The following LRP1B variants were observed in gnomAD, a reference collection of about 807,000 sequenced individuals.
The protein encoded by LRP1B is LDL receptor related protein 1B.
Under a neutral mutation model 556.6 loss-of-function variants are expected in LRP1B, and 217 were observed. That is an observed-to-expected ratio of 0.39 (90% CI 0.35 to 0.44). The LOEUF (loss-of-function observed/expected upper bound fraction) is 0.44, where lower values mean the gene tolerates loss of function less well. Among genes scored for constraint, LRP1B ranks in the 20% least tolerant of loss-of-function variants. LRP1B has a pLI of 1.00. For missense variants in LRP1B, 5,053 were observed against 5,620.8 expected (o/e 0.90, Z 3.23); for synonymous variants, 2,047 against 1,865.8 (o/e 1.10, Z -2.50).
At chr2:141,017,874 G>A (rs1433683496) in intron 12 of LRP1B, among the ~76,000 whole-genome samples, 2 of 151,722 alleles carry the variant, frequency 1.3e-5, no homozygotes, top group Admixed American at 6.6e-5. Context: ...GCCTGTGCCT[G>A]TAATTCCAGC....
intron 84 of LRP1B, among the ~76,000 whole-genome samples, chr2:140,294,524 A>G (rs1683523407): frequency 6.6e-6 from 1 of 152,228 alleles, no homozygotes; most frequent in Admixed American, 6.5e-5. Flanking sequence ...AGGTTGATTC[A>G]AACTGAGAAT....
At chr2:140,807,751 AACTAGTT>A (rs1393908881) in intron 32 of LRP1B, among the ~76,000 whole-genome samples, 2 of 152,212 alleles carry the variant, frequency 1.3e-5, no homozygotes, top group East Asian at 3.8e-4. Context: ...ATTTTAGAGC[AACTAGTT>A]ATTACTGTAT....
At chr2:140,525,182 T>C (rs1240696668) in intron 49 of LRP1B, among the ~76,000 whole-genome samples, 1 of 151,756 alleles carries the variant, frequency 6.6e-6, no homozygotes, top group Admixed American at 6.6e-5. Context: ...TGAGACAAAA[T>C]TTAATAGTGT....
intron 43 of LRP1B, among the ~76,000 whole-genome samples, chr2:140,562,728 C>T (rs997924726): frequency 8.5e-5 from 13 of 152,108 alleles, no homozygotes; most frequent in African/African-American, 2.9e-4. Flanking sequence ...TCAAGTGATT[C>T]TCCTGCCTCA....
chr2:140,371,095 T>C (rs1682973943), intron 70 of LRP1B, 84 bp downstream of exon 70: 4 of 960,084 alleles, frequency 4.2e-6, no homozygotes, highest in Non-Finnish European at 4.5e-6. Flanking sequence ...AGAATCAAGA[T>C]TCTTTCTCTT....
chr2:140,891,245 C>A (rs1183559526), intron 23 of LRP1B, among the ~76,000 whole-genome samples: 1 of 152,082 alleles, frequency 6.6e-6, no homozygotes, highest in African/African-American at 2.4e-5. Context: ...CTCCTATGTA[C>A]AATTATCTTC....
In LRP1B at chr2:141,224,964, C is replaced by A. The variant is rs533491849; in HGVS notation, c.850+4219G>T. Among the ~76,000 whole-genome samples the A allele has an allele frequency of 8.0e-4, 122 of 152,008 alleles. 1 individual carries two copies. Among genetic ancestry groups the A allele is most frequent in the Middle Eastern group, 3.4e-3 (1 of 294 alleles). ...ACCTGCACATCCTGCACATGTATCCCAGAACTTGAAATTAAATTAAAAATA... is the reference window on the plus strand; with the variant it reads ...ACCTGCACATCCTGCACATGTATCCAAGAACTTGAAATTAAATTAAAAATA... On this transcript the variant is annotated intron_variant, in intron 6 of 90. Transcript: ENST00000389484.
chr2:141,466,338 A>C (rs941587953), intron 3 of LRP1B, among the ~76,000 whole-genome samples: 3 of 152,220 alleles, frequency 2.0e-5, no homozygotes, highest in African/African-American at 7.2e-5. Flanking sequence ...TATCAAGCAT[A>C]GTAGGACTAC....
chr2:142,096,985 A>G (rs922768643), intron 1 of LRP1B, among the ~76,000 whole-genome samples: 2 of 151,414 alleles, frequency 1.3e-5, no homozygotes, highest in Non-Finnish European at 3.0e-5. Context: ...GCTGATCCTT[A>G]TAAGTGTCTA....
At chr2:141,366,926 T>C (rs1055063646) in intron 3 of LRP1B, among the ~76,000 whole-genome samples, 2 of 152,208 alleles carry the variant, frequency 1.3e-5, no homozygotes, top group African/African-American at 4.8e-5. Flanking sequence ...TTTAACTCAC[T>C]TGAAATTACT....
At chr2:141,873,082 C>T (rs1698641110) in intron 1 of LRP1B, among the ~76,000 whole-genome samples, 1 of 151,890 alleles carries the variant, frequency 6.6e-6, no homozygotes, top group Admixed American at 6.6e-5. Context: ...ATGACCAAAG[C>T]AAAGGTGGGG....
intron 6 of LRP1B, among the ~76,000 whole-genome samples, chr2:141,220,950 A>G (rs1052059850): frequency 6.6e-6 from 1 of 151,994 alleles, no homozygotes; most frequent in Non-Finnish European, 1.5e-5. Flanking sequence ...AAAGTTCATT[A>G]CCAGCCACTA....
At chr2:141,316,294 G>C (rs1406270849) in intron 3 of LRP1B, among the ~76,000 whole-genome samples, 1 of 152,158 alleles carries the variant, frequency 6.6e-6, no homozygotes, top group Non-Finnish European at 1.5e-5. Context: ...TTGAGGGCTT[G>C]ATTGCCCTGT....
chr2:141,639,349 T>TATACATACAC (rs1262198983), intron 2 of LRP1B, among the ~76,000 whole-genome samples: 1 of 56,112 alleles, frequency 1.8e-5, no homozygotes, highest in African/African-American at 6.7e-5. Context: ...TATATATATA[T>TATACATACAC]ACACACACAC....
intron 10 of LRP1B, 52 bp downstream of exon 10, chr2:141,055,064 A>G: frequency 6.3e-7 from 1 of 1,594,306 alleles, no homozygotes; most frequent in Non-Finnish European, 8.6e-7. Flanking sequence ...AATACTTAAA[A>G]TCCTATTCTA....
chr2:141,089,728 C>T (rs535238295), intron 7 of LRP1B, among the ~76,000 whole-genome samples: 1 of 152,206 alleles, frequency 6.6e-6, no homozygotes, highest in Non-Finnish European at 1.5e-5. Flanking sequence ...ATACTACCTC[C>T]CATCGAACCA....
intron 2 of LRP1B, among the ~76,000 whole-genome samples, chr2:141,747,694 C>T (rs1693964175): frequency 6.6e-6 from 1 of 152,134 alleles, no homozygotes; most frequent in South Asian, 2.1e-4. Flanking sequence ...TATTACAAGA[C>T]CTTGATAACA....
At chr2:140,800,897 C>A (rs1690484591) in intron 32 of LRP1B, among the ~76,000 whole-genome samples, 1 of 152,016 alleles carries the variant, frequency 6.6e-6, no homozygotes, top group South Asian at 2.1e-4. Flanking sequence ...AATTCAAATC[C>A]TAATATCTTA....
intron 1 of LRP1B, among the ~76,000 whole-genome samples, chr2:141,844,847 C>A (rs533315706): frequency 1.3e-5 from 2 of 151,566 alleles, no homozygotes; most frequent in African/African-American, 4.9e-5. Flanking sequence ...ATCATATTCC[C>A]AAAACAGCAT....
Sources: gnomAD v4.1 joint callset for allele counts (sites outside exome capture counted in the v4.1 genomes callset) on GRCh38, gnomAD v4.1.1 for gene constraint, MANE v1.5 for transcripts, NCBI Gene and HGNC (gene_info 2026-07-23, HGNC 2026-07-21) for gene names.